The following FUT8 variants were observed in gnomAD, a reference collection of about 807,000 sequenced individuals.
The protein encoded by FUT8 is fucosyltransferase 8.
FUT8 carries 29 observed loss-of-function variants against 71.3 expected under a neutral mutation model. That is an observed-to-expected ratio of 0.41 (90% CI 0.30 to 0.55). The LOEUF is 0.55. FUT8 is among the 20% of genes least tolerant of loss of function. The pLI is 0.34. For missense variants in FUT8, 544 were observed against 702.1 expected, an observed-to-expected ratio of 0.77 and a Z score of 2.55; for synonymous variants, 254 against 239.3, an observed-to-expected ratio of 1.06 and a Z score of -0.57.
At chr14:65,404,152 C>G in the FUT8 span, among the ~76,000 whole-genome samples, 1 of 151,608 alleles carries the variant, frequency 6.6e-6, no homozygotes, top group Non-Finnish European at 1.5e-5. Flanking sequence ...AGGTGTGAGC[C>G]ACTGTGCGGG....
chr14:65,724,657 A>G (rs1379754572), intron 9 of FUT8, among the ~76,000 whole-genome samples: 2 of 152,232 alleles, frequency 1.3e-5, no homozygotes, highest in East Asian at 1.9e-4. Context: ...ACAAAATAAC[A>G]TAGACTGAGT....
chr14:65,411,782 T>C (rs985260801), upstream of FUT8: 67 of 335,090 alleles, frequency 2.0e-4, no homozygotes, highest in African/African-American at 1.3e-3. Flanking sequence ...GAAGCTCATC[T>C]TCCGGCCCTC....
At chr14:65,435,597 A>T (rs971042008) in intron 1 of FUT8, among the ~76,000 whole-genome samples, 1 of 152,060 alleles carries the variant, frequency 6.6e-6, no homozygotes, top group African/African-American at 2.4e-5. Context: ...TGTGATCATA[A>T]GTTTTCATTT....
chr14:65,403,777 C>G, the FUT8 span, among the ~76,000 whole-genome samples: 3 of 147,654 alleles, frequency 2.0e-5, no homozygotes, highest in Non-Finnish European at 4.5e-5. Context: ...TTCCTTATGA[C>G]CTTGCTCCTA....
the FUT8 span, among the ~76,000 whole-genome samples, chr14:65,358,605 C>T: frequency 6.6e-6 from 1 of 151,948 alleles, no homozygotes. Flanking sequence ...AGGTGCATGC[C>T]CGGCTAATTT....
intron 7 of FUT8, among the ~76,000 whole-genome samples, chr14:65,718,652 T>G (rs1440789621): frequency 6.6e-6 from 1 of 152,220 alleles, no homozygotes; most frequent in Non-Finnish European, 1.5e-5. Context: ...AGAACAGGTC[T>G]GATGTTGATG....
intron 3 of FUT8, among the ~76,000 whole-genome samples, chr14:65,585,532 A>G (rs1221667193): frequency 2.0e-5 from 3 of 152,234 alleles, no homozygotes; most frequent in African/African-American, 4.8e-5. Context: ...TTCTGTCTAT[A>G]TAAATAATAT....
In FUT8 at chr14:65,643,703, CA is replaced by C. The variant is rs1890973863; in HGVS notation, c.597+14098del. Among the ~76,000 whole-genome samples the C allele has an allele frequency of 2.0e-5, 3 of 148,620 alleles. No homozygotes were observed. Among genetic ancestry groups the C allele is most frequent in the Non-Finnish European group, 4.4e-5 (3 of 67,520 alleles). ...ACACACACACACACACACACACACA[CA>C]CACACACACACCAGATTCCATTCTA... On this transcript the variant is annotated intron_variant, in intron 6 of 10. Coordinates refer to ENST00000673929, the MANE Select transcript of FUT8 (RefSeq NM_001371533.1). The surrounding 1 kb of genome is among the most constrained non-coding windows in gnomAD (Gnocchi z 4.5).
the FUT8 span, among the ~76,000 whole-genome samples, chr14:65,367,340 C>G: frequency 2.6e-5 from 4 of 152,110 alleles, no homozygotes; most frequent in African/African-American, 9.7e-5. Context: ...GATGAGATCT[C>G]CATTAGAAAG....
At chr14:65,691,885 A>G (rs1290849227) in intron 7 of FUT8, among the ~76,000 whole-genome samples, 1 of 152,238 alleles carries the variant, frequency 6.6e-6, no homozygotes, top group Non-Finnish European at 1.5e-5. Flanking sequence ...CTGAGTAGAC[A>G]CAGCTCATGT....
At chr14:65,416,315 C>T (rs1388115592) in intron 1 of FUT8, among the ~76,000 whole-genome samples, 5 of 144,090 alleles carry the variant, frequency 3.5e-5, no homozygotes, top group African/African-American at 1.3e-4. Flanking sequence ...ATTATGGTAC[C>T]TTTTTTTTTT....
chr14:65,382,976 G>A, the FUT8 span, among the ~76,000 whole-genome samples: 2 of 151,970 alleles, frequency 1.3e-5, no homozygotes, highest in African/African-American at 2.4e-5. Flanking sequence ...TGCCAAGCTG[G>A]AGACCTGGAA....
At chr14:65,636,838 A>C (rs1372870759) in intron 6 of FUT8, among the ~76,000 whole-genome samples, 1 of 152,188 alleles carries the variant, frequency 6.6e-6, no homozygotes, top group Non-Finnish European at 1.5e-5. Flanking sequence ...CAAAGTTCAT[A>C]GTTGTCAAAA....
At chr14:65,446,086 A>G (rs1196635068) in intron 1 of FUT8, among the ~76,000 whole-genome samples, 1 of 152,262 alleles carries the variant, frequency 6.6e-6, no homozygotes, top group Admixed American at 6.5e-5. Flanking sequence ...CTATATCCTT[A>G]GACACTGTAA....
At chr14:65,736,235 A>G (rs1896210217) in intron 10 of FUT8, among the ~76,000 whole-genome samples, 1 of 152,118 alleles carries the variant, frequency 6.6e-6, no homozygotes, top group South Asian at 2.1e-4. Context: ...AATAGTACCT[A>G]GCAATACAGT....
chr14:65,530,546 T>C (rs1302826103), intron 2 of FUT8, among the ~76,000 whole-genome samples: 1 of 152,200 alleles, frequency 6.6e-6, no homozygotes, highest in East Asian at 1.9e-4. Context: ...CTATTATATG[T>C]AAAATTTCAT....
chr14:65,446,356 G>C (rs902159866), intron 1 of FUT8, among the ~76,000 whole-genome samples: 6 of 152,124 alleles, frequency 3.9e-5, no homozygotes. Flanking sequence ...GATCCCTTTG[G>C]CAAGGCAATA....
intron 7 of FUT8, among the ~76,000 whole-genome samples, chr14:65,690,725 A>AC (rs958064181): frequency 1.4e-5 from 2 of 138,758 alleles, no homozygotes; most frequent in African/African-American, 5.1e-5. Flanking sequence ...AAAACATTTG[A>AC]CTTTTTTTTT....
chr14:65,587,942 T>C (rs1274278182), intron 3 of FUT8, among the ~76,000 whole-genome samples: 1 of 152,224 alleles, frequency 6.6e-6, no homozygotes, highest in Non-Finnish European at 1.5e-5. Flanking sequence ...ATATAATTAA[T>C]AGATGATGGT....
Sources: gnomAD v4.1 joint callset for allele counts (sites outside exome capture counted in the v4.1 genomes callset) on GRCh38, gnomAD v4.1.1 for gene constraint, Gnocchi (gnomAD v3.1) non-coding constraint, MANE v1.5 for transcripts, NCBI Gene and HGNC (gene_info 2026-07-23, HGNC 2026-07-21) for gene names.